Variants in SLC26A4 observed in about 807,000 individuals in gnomAD.
The protein encoded by SLC26A4 is solute carrier family 26 member 4.
A neutral mutation model predicts 90.4 loss-of-function variants in SLC26A4; 93 were observed. The ratio of observed to expected loss-of-function variants is 1.03; its 90% CI spans 0.87 to 1.22. The LOEUF (loss-of-function observed/expected upper bound fraction) is 1.22, where lower values mean the gene tolerates loss of function less well. Among genes scored for constraint, SLC26A4 ranks in the 50% most tolerant of loss-of-function variants. The pLI, the probability that SLC26A4 is intolerant of heterozygous loss-of-function variation, is 0.00. For missense variants in SLC26A4, 1,127 were observed against 946.2 expected, an observed-to-expected ratio of 1.19 and a Z score of -2.51; for synonymous variants, 393 against 354.6, an observed-to-expected ratio of 1.11 and a Z score of -1.22.
chr7:107,701,364 GA>G (rs975309484), intron 16 of SLC26A4, among the ~76,000 whole-genome samples, 168 bp downstream of exon 16: 15 of 152,178 alleles, frequency 9.9e-5, no homozygotes, highest in African/African-American at 3.4e-4. Flanking sequence ...AGCGGGAGTG[GA>G]AGGGAATGAA....
intron 19 of SLC26A4, among the ~76,000 whole-genome samples, chr7:107,711,065 C>T (rs1433476403): frequency 6.6e-6 from 1 of 151,170 alleles, no homozygotes; most frequent in Non-Finnish European, 1.5e-5. Flanking sequence ...TTTTTAGGCA[C>T]TGGTAGTGGA....
chr7:107,702,014 C>A lies in SLC26A4; in HGVS notation c.1991C>A (p.Ala664Asp). 1.2e-5 allele frequency: 19 copies of A among 1,613,910 alleles called. No homozygotes were observed. Among genetic ancestry groups the A allele is most frequent in the Non-Finnish European group, 1.5e-5 (18 of 1,179,838 alleles). Residue 664 changes from alanine (A) to aspartate (D), a missense_variant, in exon 17 of 21, where the codon GCT (alanine) becomes GAT (aspartate). Ala to Asp is a moderately radical substitution (Grantham distance 126). Coordinates refer to ENST00000644269, the MANE Select transcript of SLC26A4 (RefSeq NM_000441.2). The part of the protein sequence containing the change: ...PIHSLVLDCG[A>D]ISFLDVVGVR... ...CATAGCCTTGTGCTTGACTGTGGAG[C>A]TATATCTTTCCTGGACGTTGTTGGA...
chr7:107,676,118 A>G (rs1791017862), intron 6 of SLC26A4, among the ~76,000 whole-genome samples: 2 of 152,168 alleles, frequency 1.3e-5, no homozygotes, highest in South Asian at 4.1e-4. Flanking sequence ...ATGGACCTTG[A>G]TTCATATTCT....
At chr7:107,664,924 A>G (rs1320409544) in intron 3 of SLC26A4, among the ~76,000 whole-genome samples, 1 of 152,220 alleles carries the variant, frequency 6.6e-6, no homozygotes, top group Non-Finnish European at 1.5e-5. Flanking sequence ...AATATGTTCC[A>G]GGCACTAGGT....
intron 3 of SLC26A4, among the ~76,000 whole-genome samples, chr7:107,663,919 G>A (rs1004979412): frequency 5.3e-5 from 8 of 152,082 alleles, no homozygotes; most frequent in Non-Finnish European, 1.5e-5. Context: ...TCCTGACCTC[G>A]TGATCCGCCT....
chr7:107,666,940 A>G lies in SLC26A4; in HGVS notation c.304+3505A>G, dbSNP rs192903675. Among the ~76,000 whole-genome samples, 758 of 152,358 alleles carry G rather than the reference A, an allele frequency of 5.0e-3. 4 individuals carry two copies. The highest frequency in any genetic ancestry group is 0.017 in the Middle Eastern group (5 of 294). On this transcript the variant is annotated intron_variant, in intron 3 of 20. Transcript: ENST00000644269. Reference sequence around the variant, plus strand: ...TTGAACCAGATGATGCAGGCTATGAAGAGAGCTGCAAGATAGGAATATATT... The same window carrying G: ...TTGAACCAGATGATGCAGGCTATGAGGAGAGCTGCAAGATAGGAATATATT...
intron 8 of SLC26A4, among the ~76,000 whole-genome samples, chr7:107,687,740 G>A (rs550647967): frequency 1.3e-5 from 2 of 152,326 alleles, no homozygotes; most frequent in South Asian, 4.1e-4. Flanking sequence ...TGTGAAACTG[G>A]AAAGTTATCC....
At chr7:107,712,038 C>T (rs969131893) in intron 19 of SLC26A4, among the ~76,000 whole-genome samples, 1 of 152,188 alleles carries the variant, frequency 6.6e-6, no homozygotes, top group Non-Finnish European at 1.5e-5. Flanking sequence ...AAATTACATG[C>T]CACCTCTAAA....
At chr7:107,688,040 A>G (rs1359074690) in intron 8 of SLC26A4, among the ~76,000 whole-genome samples, 1 of 150,876 alleles carries the variant, frequency 6.6e-6, no homozygotes, top group Non-Finnish European at 1.5e-5. Context: ...AGATCTTGTT[A>G]GGTAGGAAAT....
chr7:107,664,016 A>G (rs1584295763), intron 3 of SLC26A4, among the ~76,000 whole-genome samples: 1 of 152,222 alleles, frequency 6.6e-6, no homozygotes, highest in East Asian at 1.9e-4. Context: ...CAATTCAATA[A>G]GAAATGTGTA....
intron 12 of SLC26A4, 129 bp downstream of exon 12, chr7:107,694,845 A>T: frequency 1.4e-6 from 1 of 721,180 alleles, no homozygotes; most frequent in South Asian, 1.5e-5. Context: ...GAGAAATTAG[A>T]ATTGTGGGGA....
chr7:107,694,444 T>C lies in SLC26A4; in HGVS notation c.1305T>C (p.Ile435=), dbSNP rs1299422209. 1.2e-6 allele frequency: 2 copies of C among 1,613,806 alleles called. No homozygotes were observed. The highest frequency in any genetic ancestry group is 1.7e-6 in the Non-Finnish European group (2 of 1,179,760). ...CTGCTGCGATTGTGATGATCGCCAT[T>C]CTTGCCCTGGGGAAGCTTCTGGAAC... ...IISAAIVMIA[I]LALGKLLEPL... Residue 435 remains isoleucine, a synonymous_variant, in exon 11 of 21, where the codon ATT becomes ATC. Coordinates refer to ENST00000644269, the MANE Select transcript of SLC26A4 (RefSeq NM_000441.2).
At chr7:107,682,134 T>TAAAAAAAAAA (rs1427349921) in intron 6 of SLC26A4, among the ~76,000 whole-genome samples, 3 of 141,094 alleles carry the variant, frequency 2.1e-5, no homozygotes, top group African/African-American at 8.3e-5. Flanking sequence ...AAAAAAATTT[T>TAAAAAAAAAA]TTTTATGTTA....
In SLC26A4 at chr7:107,693,646, G is replaced by A. The variant is rs563544438; in HGVS notation, c.1264-757G>A. The A allele has an allele frequency of 1.6e-5, 16 of 986,352 alleles. No individual in the cohort carries two copies. The East Asian group carries it at 1.7e-3, about 105-fold the overall frequency. 61.1% of individuals were successfully genotyped at this position (986,352 alleles called of 1,614,324 possible). A position where few individuals can be genotyped will look rare whatever the true frequency, so the allele number is the denominator to read the frequency against. On this transcript the variant is annotated intron_variant, in intron 10 of 20. Transcript: ENST00000644269. ...CGAGAGAGTAGTCCCCACCCCCTCA[G>A]CCTCTCTCCTAACTAGTATGGATCT...
At chr7:107,673,834 T>C (rs1277128055) in intron 4 of SLC26A4, among the ~76,000 whole-genome samples, 2 of 151,900 alleles carry the variant, frequency 1.3e-5, no homozygotes, top group Non-Finnish European at 2.9e-5. Flanking sequence ...GCTCAAGCAA[T>C]CCCCCCACCT....
rs1394955123 is a variant in SLC26A4 at position 107,710,055 on chromosome 7, T to C, written c.2091T>C (p.Asp697=). 6.2e-7 allele frequency: 1 copy of C among 1,612,902 alleles called. No individual in the cohort carries two copies. The highest frequency in any genetic ancestry group is 1.7e-5 in the Admixed American group (1 of 59,996). Residue 697 remains aspartate, a splice_region_variant and synonymous_variant, in exon 19 of 21, where the codon GAT becomes GAC. Transcript: ENST00000644269. ...AAACATTGTGTCTTTCTTTTGAAGA[T>C]TATGTGATAGAAAAGCTGGAGCAAT... is the stretch of plus-strand genomic sequence containing the variant. ...DVNVYFASLQ[D]YVIEKLEQCG...
At chr7:107,672,045 G>T in intron 3 of SLC26A4, 93 bp from the exon 4 acceptor site, 2 of 799,218 alleles carry the variant, frequency 2.5e-6, no homozygotes, top group Non-Finnish European at 4.5e-6. Flanking sequence ...TCATCATAAA[G>T]GCAAAGTCAT....
rs549105797 is a variant in SLC26A4 at position 107,661,674 on chromosome 7, G to T, written c.33G>T (p.Pro11=). The T allele has an allele frequency of 2.5e-6, 4 of 1,570,898 alleles. No homozygotes were observed. The African/African-American group carries it at 4.0e-5, about 16-fold the overall frequency. The change falls in exon 2 of 21, where the codon CCG becomes CCT. Residue 11 remains proline, a synonymous_variant. Transcript: ENST00000644269. This position sits in a 1 kb window ranked among gnomAD's most constrained non-coding sequence, Gnocchi z 5.1. ...CGCCAGGCGGCAGGTCGGAGCCGCC[G>T]CAGCTCCCCGAGTACAGCTGCAGCT... MAAPGGRSEP[P]QLPEYSCSYM...
intron 3 of SLC26A4, among the ~76,000 whole-genome samples, chr7:107,671,852 G>A (rs572176831): frequency 6.6e-6 from 1 of 152,228 alleles, no homozygotes. Flanking sequence ...TATCCTACCT[G>A]AAATGTGCTC....
Sources: gnomAD v4.1 joint callset for allele counts (sites outside exome capture counted in the v4.1 genomes callset) on GRCh38, gnomAD v4.1.1 for gene constraint, Gnocchi (gnomAD v3.1) non-coding constraint, MANE v1.5 for transcripts, NCBI Gene and HGNC (gene_info 2026-07-23, HGNC 2026-07-21) for gene names.